The following QRICH1 variants were observed in gnomAD, a reference collection of about 807,000 sequenced individuals.
QRICH1 encodes transcriptional regulator QRICH1.
Under a neutral mutation model 87.1 loss-of-function variants are expected in QRICH1, and 16 were observed. The observed-to-expected ratio is 0.18, with a 90% CI of 0.12 to 0.28. The LOEUF (loss-of-function observed/expected upper bound fraction) is 0.28. Among genes scored for constraint, QRICH1 ranks in the 10% least tolerant of loss-of-function variants. QRICH1 has a pLI of 1.00. For synonymous variants in QRICH1, 367 were observed against 368.4 expected, an observed-to-expected ratio of 1.00 and a Z score of 0.05; for missense variants, 647 against 951.7, an observed-to-expected ratio of 0.68 and a Z score of 4.21.
intron 1 of QRICH1, chr3:49,086,807 C>G (rs2042174351): frequency 6.6e-6 from 1 of 152,044 alleles, no homozygotes. Flanking sequence ...TCTTTTGGGC[C>G]CCCTGTATGG....
intron 1 of QRICH1, among the ~76,000 whole-genome samples, chr3:49,091,589 G>A (rs2042275582): frequency 1.3e-5 from 2 of 152,148 alleles, no homozygotes; most frequent in African/African-American, 4.8e-5. Context: ...GAGAGGATGT[G>A]GAACTGCAGA....
At chr3:49,047,479 GTTTTTTT>G (rs397724825) in intron 3 of QRICH1, among the ~76,000 whole-genome samples, 1 of 109,086 alleles carries the variant, frequency 9.2e-6, no homozygotes, top group African/African-American at 3.5e-5. Flanking sequence ...ACTTTTAAAT[GTTTTTTT>G]TTTTTTTTTT....
intron 1 of QRICH1, among the ~76,000 whole-genome samples, chr3:49,077,390 T>C (rs1184776405): frequency 1.3e-5 from 2 of 152,126 alleles, no homozygotes; most frequent in Non-Finnish European, 2.9e-5. Flanking sequence ...AACTGCTCTG[T>C]GACCATCACA....
intron 9 of QRICH1, among the ~76,000 whole-genome samples, chr3:49,031,673 C>G (rs529700155): frequency 1.3e-5 from 2 of 152,120 alleles, no homozygotes; most frequent in Non-Finnish European, 2.9e-5. Flanking sequence ...TGAGAAGAGG[C>G]ATAATATGAT....
chr3:49,090,364 C>T (rs760836159), intron 1 of QRICH1, among the ~76,000 whole-genome samples: 2 of 150,242 alleles, frequency 1.3e-5, no homozygotes, highest in Non-Finnish European at 2.9e-5. Flanking sequence ...GAGGCTGAGG[C>T]AGGAGAATGG....
chr3:49,046,671 G>T, intron 4 of QRICH1, 92 bp from the exon 5 acceptor site: 1 of 1,372,748 alleles, frequency 7.3e-7, no homozygotes, highest in Non-Finnish European at 9.9e-7. Context: ...TGCTGGGATA[G>T]AAATGCTCAC....
chr3:49,056,757 T>G, intron 3 of QRICH1, 105 bp downstream of exon 3: 1 of 1,527,274 alleles, frequency 6.5e-7, no homozygotes, highest in Non-Finnish European at 9.0e-7. Flanking sequence ...TGCATCACTG[T>G]AAGAGTAACA....
chr3:49,046,578 C>T lies in QRICH1; in HGVS notation c.1518G>A (p.Arg506=), dbSNP rs775183738. ...DAQNRLAPIG[R]RQLLRFQEDL... is the part of the protein sequence containing the mutation. ...CTTCCTGGAATCGCAGCAGTTGGCG[C>T]CCTGCAACGGAAGCCTCAAAAATGA... Residue 506 remains arginine, a splice_region_variant and synonymous_variant, in exon 5 of 10, where the codon AGG becomes AGA. Coordinates refer to ENST00000395443, the MANE Select transcript of QRICH1 (RefSeq NM_198880.3). 3 of 1,612,944 alleles carry T rather than the reference C, an allele frequency of 1.9e-6. No homozygotes were observed. The highest frequency in any genetic ancestry group is 1.7e-6 in the Non-Finnish European group (2 of 1,179,728).
At chr3:49,034,934 G>A (rs1461976331) in intron 6 of QRICH1, among the ~76,000 whole-genome samples, 2 of 152,146 alleles carry the variant, frequency 1.3e-5, no homozygotes, top group African/African-American at 4.8e-5. Flanking sequence ...GCAGAAAAAA[G>A]AACATTCTGC....
At chr3:49,084,629 T>C (rs1457060684) in intron 1 of QRICH1, among the ~76,000 whole-genome samples, 1 of 151,300 alleles carries the variant, frequency 6.6e-6, no homozygotes, top group African/African-American at 2.4e-5. Flanking sequence ...CAGGGCATGG[T>C]GGCAGCCACC....
In QRICH1 at chr3:49,030,457, G is replaced by C; in HGVS notation, c.2326C>G (p.His776Asp). Residue 776 changes from histidine to aspartate, a missense_variant, in exon 10 of 10, where the codon CAC (histidine) becomes GAC (aspartate). Coordinates refer to ENST00000395443, the MANE Select transcript of QRICH1 (RefSeq NM_198880.3). ...AIAVANASTM[H>D] ...TGTGCCATGGCCAAGGCATCTCAGT[G>C]CATAGTGCTTGCATTGGCCACTGCG... 1 of 1,613,102 alleles carries C rather than the reference G, an allele frequency of 6.2e-7. No homozygotes were observed. The highest frequency in any genetic ancestry group is 1.1e-5 in the South Asian group (1 of 91,038).
chr3:49,038,266 T>G (rs960053932), intron 6 of QRICH1, among the ~76,000 whole-genome samples: 1 of 151,338 alleles, frequency 6.6e-6, no homozygotes, highest in Non-Finnish European at 1.5e-5. Flanking sequence ...CTTCACCGTG[T>G]TAGCCAGGAT....
intron 3 of QRICH1, among the ~76,000 whole-genome samples, chr3:49,051,592 C>CG (rs1366049178): frequency 7.2e-6 from 1 of 138,894 alleles, no homozygotes; most frequent in African/African-American, 2.7e-5. Flanking sequence ...GCGCCCCCCC[C>CG]CCCCTCCGCT....
At chr3:49,045,905 T>G (rs987908854) in intron 5 of QRICH1, among the ~76,000 whole-genome samples, 6 of 151,084 alleles carry the variant, frequency 4.0e-5, no homozygotes, top group African/African-American at 1.5e-4. Flanking sequence ...TTATTTTTTT[T>G]CTTTTCTTTT....
intron 2 of QRICH1, among the ~76,000 whole-genome samples, chr3:49,061,048 T>C (rs538663999): frequency 7.3e-6 from 1 of 137,800 alleles, no homozygotes; most frequent in Admixed American, 8.4e-5. Context: ...TGAGGCAGAA[T>C]AGCTTGAACC....
chr3:49,058,107 G>T, intron 2 of QRICH1: 1 of 776,288 alleles, frequency 1.3e-6, no homozygotes, highest in Non-Finnish European at 2.0e-6. Context: ...ACCCCAGAGA[G>T]CAAGCAAGAC....
chr3:49,046,612 C>T, intron 4 of QRICH1, 33 bp from the exon 5 acceptor site: 1 of 1,606,034 alleles, frequency 6.2e-7, no homozygotes. Context: ...GAATGAAGGT[C>T]CTGGGGGTCC....
intron 2 of QRICH1, among the ~76,000 whole-genome samples, chr3:49,072,854 C>A (rs2041868043): frequency 6.6e-6 from 1 of 151,970 alleles, no homozygotes; most frequent in Admixed American, 6.6e-5. Context: ...CCAGCCTGAG[C>A]AACATGGCGA....
chr3:49,076,710 TG>T lies in QRICH1; in HGVS notation c.307del (p.Gln103ArgfsTer143). 6.4e-7 allele frequency: 1 copy of T among 1,563,474 alleles called. No individual in the cohort carries two copies. Among genetic ancestry groups the T allele is most frequent in the Middle Eastern group, 1.8e-4 (1 of 5,450 alleles). ...QIQVQQPQQVQVQVQVQQSPQ... is the reference protein window; with the variant it reads ...QIQVQQPQQVXVQVQVQQSPQ... ...TGCACCTCAGCATTTCCCATATACCTGAACCTGCTGCGGCTGCTGAACCTGG... is the reference window on the plus strand; with the variant it reads ...TGCACCTCAGCATTTCCCATATACCTAACCTGCTGCGGCTGCTGAACCTGG... On this transcript the variant is annotated frameshift_variant and splice_region_variant, in exon 2 of 10. Transcript: ENST00000395443. LOFTEE classifies it high-confidence loss of function.
Sources: allele counts gnomAD v4.1 joint callset (sites outside exome capture counted in the v4.1 genomes callset), GRCh38; gene constraint gnomAD v4.1.1; transcripts MANE v1.5; gene names NCBI Gene and HGNC (gene_info 2026-07-23, HGNC 2026-07-21).